The following KLF17 variants were observed in gnomAD, a reference collection of about 807,000 sequenced individuals.
KLF17 encodes Krueppel-like factor 17.
In KLF17, 31 loss-of-function variants were observed where a neutral mutation model predicts 34.2. The ratio of observed to expected loss-of-function variants is 0.91; its 90% confidence interval spans 0.68 to 1.22. The LOEUF is 1.22. Among genes scored for constraint, KLF17 ranks in the 50% most tolerant of loss-of-function variants. KLF17 has a pLI of 0.00. For missense variants in KLF17, 478 were observed against 505.2 expected (o/e 0.95, Z 0.52); for synonymous variants, 179 against 186.7 (o/e 0.96, Z 0.34).
At chr1:44,129,255 GA>G in intron 1 of KLF17, 97 bp from the exon 2 acceptor site, 1 of 1,376,992 alleles carries the variant, frequency 7.3e-7, no homozygotes, top group Middle Eastern at 1.9e-4. Flanking sequence ...GCAAGAGATG[GA>G]AATAGAGGGC....
At chr1:44,092,300 C>T in the KLF17 span, among the ~76,000 whole-genome samples, 1 of 135,274 alleles carries the variant, frequency 7.4e-6, no homozygotes, top group African/African-American at 2.6e-5. Context: ...CGAGATCGAG[C>T]CATTGCACTC....
intron 3 of KLF17, 58 bp downstream of exon 3, chr1:44,130,814 T>G (rs2088100369): frequency 6.4e-7 from 1 of 1,559,190 alleles, no homozygotes; most frequent in South Asian, 1.1e-5. Flanking sequence ...TTTATTTTTT[T>G]GAGACGGAGT....
At chr1:44,046,125 A>G in the KLF17 span, 4 of 89,900 alleles carry the variant, frequency 4.4e-5, no homozygotes, top group Non-Finnish European at 8.9e-5. Flanking sequence ...AAGATTTGGT[A>G]AAGGATAATA....
At chr1:44,059,778 C>T in the KLF17 span, among the ~76,000 whole-genome samples, 5 of 151,842 alleles carry the variant, frequency 3.3e-5, no homozygotes, top group Non-Finnish European at 5.9e-5. Flanking sequence ...AGACGTTTCC[C>T]TGTGATACTC....
At chr1:44,061,003 A>G in the KLF17 span, 1 of 152,210 alleles carries the variant, frequency 6.6e-6, no homozygotes, top group Non-Finnish European at 1.5e-5. Flanking sequence ...CTAGCTATCA[A>G]AAGTGCCTTC....
At chr1:44,126,298 A>G (rs1571988631) in intron 1 of KLF17, among the ~76,000 whole-genome samples, 1 of 151,718 alleles carries the variant, frequency 6.6e-6, no homozygotes, top group Non-Finnish European at 1.5e-5. Flanking sequence ...GTGCTGGGAT[A>G]ACAGGCGTGA....
the KLF17 span, among the ~76,000 whole-genome samples, chr1:44,075,783 T>C: frequency 1.3e-5 from 2 of 152,346 alleles, no homozygotes; most frequent in South Asian, 2.1e-4. Context: ...TTGCTCATTC[T>C]CCCTTTGATG....
intron 1 of KLF17, among the ~76,000 whole-genome samples, chr1:44,126,791 A>G (rs1266047256): frequency 6.6e-6 from 1 of 152,160 alleles, no homozygotes; most frequent in African/African-American, 2.4e-5. Context: ...TTGTTATTAC[A>G]GTCACAAATG....
At position 44,129,388 on chromosome 1, in the gene KLF17, T is replaced by G. The variant is rs1294204200; in HGVS notation, c.117T>G (p.Ser39=). The G allele has an allele frequency of 1.3e-6, 2 of 1,523,514 alleles. No individual in the cohort carries two copies. The highest frequency in any genetic ancestry group is 2.8e-5 in the African/African-American group (2 of 71,824). 94.4% of individuals were successfully genotyped at this position (1,523,514 alleles called of 1,614,324 possible). A position where few individuals can be genotyped will look rare whatever the true frequency, so the allele number is the denominator to read the frequency against. Residue 39 remains serine (S), a synonymous_variant, in exon 2 of 4, where the codon TCT becomes TCG. Coordinates refer to ENST00000372299, the MANE Select transcript of KLF17 (RefSeq NM_173484.4). The part of the protein sequence containing the change: ...NENSAPILNM[S]SSSGSSGVHT... Reference sequence around the variant, plus strand: ...ACTCAGCGCCCATCTTGAACATGTCTTCATCTTCTGGAAGCTCTGGAGTGC... The same window carrying G: ...ACTCAGCGCCCATCTTGAACATGTCGTCATCTTCTGGAAGCTCTGGAGTGC...
chr1:44,086,885 TAACTC>T, the KLF17 span, among the ~76,000 whole-genome samples: 1 of 152,194 alleles, frequency 6.6e-6, no homozygotes, highest in Admixed American at 6.5e-5. Flanking sequence ...GTGAAATAAT[TAACTC>T]AGAGAGGAGG....
chr1:44,091,913 C>CAAA, the KLF17 span, among the ~76,000 whole-genome samples: 1 of 98,604 alleles, frequency 1.0e-5, no homozygotes, highest in Non-Finnish European at 2.0e-5. Context: ...AACTCTGTCT[C>CAAA]AAAAAAAAAA....
chr1:44,056,329 T>C, the KLF17 span, among the ~76,000 whole-genome samples: 3 of 152,108 alleles, frequency 2.0e-5, no homozygotes, highest in Non-Finnish European at 2.9e-5. Flanking sequence ...AAAGGCTAAA[T>C]ATTGGGGGTA....
At chr1:44,048,171 G>A in the KLF17 span, 1 of 152,232 alleles carries the variant, frequency 6.6e-6, no homozygotes, top group Admixed American at 6.5e-5. Context: ...ATGAAAAAAT[G>A]TGAGAAAACC....
the KLF17 span, among the ~76,000 whole-genome samples, chr1:44,090,252 A>G: frequency 7.9e-6 from 1 of 125,840 alleles, no homozygotes; most frequent in Non-Finnish European, 1.6e-5. Flanking sequence ...AGGCAGGAGG[A>G]TCTCTTGAGG....
At chr1:44,082,989 TGGA>T in the KLF17 span, among the ~76,000 whole-genome samples, 2 of 150,506 alleles carry the variant, frequency 1.3e-5, no homozygotes, top group Non-Finnish European at 3.0e-5. Context: ...TTGCCCAGGT[TGGA>T]GTGCAGTGGT....
At chr1:44,126,981 G>A (rs2088015113) in intron 1 of KLF17, among the ~76,000 whole-genome samples, 1 of 151,592 alleles carries the variant, frequency 6.6e-6, no homozygotes, top group African/African-American at 2.4e-5. Flanking sequence ...CTGCAGCTTC[G>A]ACTTCCCAGG....
the KLF17 span, chr1:44,103,216 C>T: frequency 3.2e-5 from 20 of 632,616 alleles, no homozygotes; most frequent in East Asian, 1.1e-4. Flanking sequence ...GTGGGTCTCC[C>T]GTTCCCTGTG....
At chr1:44,104,733 A>C in the KLF17 span, 1 of 319,244 alleles carries the variant, frequency 3.1e-6, no homozygotes. Context: ...ATAATCCAGT[A>C]ACCCTGTTGT....
rs1010719741 is a variant in KLF17 at position 44,135,123 on chromosome 1, ATAAAAT to A, written c.*1892_*1897del. 2.0e-5 allele frequency: 3 copies of A among 152,188 alleles called. No individual in the cohort carries two copies. Among genetic ancestry groups the A allele is most frequent in the Non-Finnish European group, 4.4e-5 (3 of 68,032 alleles). The allele number at this position is 152,188 out of a possible 1,614,324, so 9.4% of individuals were successfully genotyped here. A position where few individuals can be genotyped will look rare whatever the true frequency, so the allele number is the denominator to read the frequency against. On this transcript the variant is annotated 3_prime_UTR_variant, in exon 4 of 4. Transcript: ENST00000372299. ...CAGTGTGACCTTGTCTCTGTAAAAAATAAAATTAAAAGAAAAAGAAGGGAAAGTGAT... is the reference window on the plus strand; with the variant it reads ...CAGTGTGACCTTGTCTCTGTAAAAAATAAAAGAAAAAGAAGGGAAAGTGAT...
Sources: allele counts gnomAD v4.1 joint callset (sites outside exome capture counted in the v4.1 genomes callset), GRCh38; gene constraint gnomAD v4.1.1; transcripts MANE v1.5; gene names NCBI Gene and HGNC (gene_info 2026-07-23, HGNC 2026-07-21).